Variants in LRP6 observed in about 807,000 individuals in gnomAD.
The protein encoded by LRP6 is LDL receptor related protein 6.
LRP6 carries 43 observed loss-of-function variants against 184.1 expected under a neutral mutation model. The observed-to-expected ratio is 0.23, with a 90% confidence interval of 0.18 to 0.30. The LOEUF (loss-of-function observed/expected upper bound fraction) is 0.30. Among genes scored for constraint, LRP6 ranks in the 10% least tolerant of loss-of-function variants. The pLI, the probability that LRP6 is intolerant of heterozygous loss-of-function variation, is 1.00. For synonymous variants in LRP6, 719 were observed against 684.9 expected, an observed-to-expected ratio of 1.05 and a Z score of -0.78; for missense variants, 1,571 against 2,005.3, an observed-to-expected ratio of 0.78 and a Z score of 4.14.
In LRP6 at chr12:12,141,338, C is replaced by A. The variant is rs537573322; in HGVS notation, c.3398-2804G>T. Among the ~76,000 whole-genome samples, 119 of 152,228 alleles carry A rather than the reference C, an allele frequency of 7.8e-4. 2 individuals carry two copies. The highest frequency in any genetic ancestry group is 6.4e-3 in the South Asian group (31 of 4,826). ...AAAGGAAAAGGACAGCATACAAAGA[C>A]TGAAATCACAGTCACATCAAACTTC... On this transcript the variant is annotated intron_variant, in intron 15 of 22. Coordinates refer to ENST00000261349, the MANE Select transcript of LRP6 (RefSeq NM_002336.3).
chr12:12,147,843 C>T (rs1184480364), intron 14 of LRP6, among the ~76,000 whole-genome samples: 1 of 151,782 alleles, frequency 6.6e-6, no homozygotes, highest in Non-Finnish European at 1.5e-5. Flanking sequence ...GGCATGGTGG[C>T]GTGTGCCTGT....
At chr12:12,206,607 CTT>C (rs1462018463) in intron 2 of LRP6, among the ~76,000 whole-genome samples, 62 of 149,652 alleles carry the variant, frequency 4.1e-4, no homozygotes, top group African/African-American at 1.4e-3. Flanking sequence ...CACTTTAAGA[CTT>C]TTAAAATTAA....
At chr12:12,258,742 A>G (rs1565728588) in intron 1 of LRP6, among the ~76,000 whole-genome samples, 1 of 152,252 alleles carries the variant, frequency 6.6e-6, no homozygotes, top group Non-Finnish European at 1.5e-5. Flanking sequence ...AAAACATAGT[A>G]TCTTTAAACT....
At chr12:12,159,257 TAAA>T in intron 11 of LRP6, 102 bp from the exon 12 acceptor site, 1 of 826,622 alleles carries the variant, frequency 1.2e-6, no homozygotes, top group Non-Finnish European at 2.0e-6. Flanking sequence ...CCCTAACATA[TAAA>T]ACATTACATT....
intron 2 of LRP6, among the ~76,000 whole-genome samples, chr12:12,226,225 A>C (rs1470562660): frequency 6.6e-6 from 1 of 152,178 alleles, no homozygotes; most frequent in Non-Finnish European, 1.5e-5. Context: ...GCTTACCATC[A>C]CATTACAAAA....
intron 1 of LRP6, among the ~76,000 whole-genome samples, chr12:12,248,070 T>C (rs1289797960): frequency 1.3e-5 from 2 of 152,194 alleles, no homozygotes; most frequent in East Asian, 1.9e-4. Flanking sequence ...TCTTAATTTA[T>C]ACCTCTCAAA....
intron 21 of LRP6, 71 bp from the exon 22 acceptor site, chr12:12,124,733 T>C: frequency 2.1e-6 from 2 of 934,780 alleles, no homozygotes; most frequent in Non-Finnish European, 3.3e-6. Flanking sequence ...TCAACTTTTC[T>C]TCCTTCATCT....
intron 2 of LRP6, among the ~76,000 whole-genome samples, chr12:12,206,716 T>G (rs1380520608): frequency 6.6e-6 from 1 of 151,896 alleles, no homozygotes; most frequent in Non-Finnish European, 1.5e-5. Context: ...AAGAACAGCC[T>G]GAGCAACACA....
chr12:12,146,278 T>C (rs1037285241), intron 15 of LRP6, among the ~76,000 whole-genome samples: 1 of 152,230 alleles, frequency 6.6e-6, no homozygotes, highest in Non-Finnish European at 1.5e-5. Context: ...ACTGGCAAAT[T>C]GTCCTCTAAA....
chr12:12,211,792 T>C (rs373248691), intron 2 of LRP6, among the ~76,000 whole-genome samples: 23 of 152,282 alleles, frequency 1.5e-4, no homozygotes, highest in African/African-American at 3.8e-4. Flanking sequence ...AGAAATAACA[T>C]TGGTAAACCA....
chr12:12,218,600 T>G (rs1864409312), intron 2 of LRP6, among the ~76,000 whole-genome samples: 1 of 151,836 alleles, frequency 6.6e-6, no homozygotes, highest in South Asian at 2.1e-4. Flanking sequence ...CATCAGTCAG[T>G]AAGGAAATGT....
At chr12:12,204,387 T>C (rs774994065) in intron 2 of LRP6, among the ~76,000 whole-genome samples, 1 of 149,878 alleles carries the variant, frequency 6.7e-6, no homozygotes, top group African/African-American at 2.5e-5. Context: ...ACTGATGAAG[T>C]AGGAAGAAAA....
chr12:12,186,945 G>A lies in LRP6; in HGVS notation c.822C>T (p.Phe274=). Residue 274 remains phenylalanine, a synonymous_variant, in exon 4 of 23, where the codon TTC becomes TTT. Coordinates refer to ENST00000261349, the MANE Select transcript of LRP6 (RefSeq NM_002336.3). ...TACCATTTGGCTGCCTCTGTTGGCT[G>A]AAGGCATGTATATCCATGGGAGAGA... ...DIFSPMDIHA[F]SQQRQPNATN... 1.2e-6 allele frequency: 2 copies of A among 1,614,120 alleles called. No homozygotes were observed. The highest frequency in any genetic ancestry group is 2.2e-5 in the East Asian group (1 of 44,886).
intron 3 of LRP6, among the ~76,000 whole-genome samples, chr12:12,192,097 C>A (rs1863634711): frequency 6.6e-6 from 1 of 151,894 alleles, no homozygotes; most frequent in Middle Eastern, 3.4e-3. Context: ...ATAAGTATAA[C>A]CCTGTGTTAG....
At chr12:12,164,179 C>T in intron 9 of LRP6, 94 bp downstream of exon 9, 11 of 1,095,334 alleles carry the variant, frequency 1.0e-5, no homozygotes, top group Non-Finnish European at 1.5e-5. Context: ...GCCTGTCAAA[C>T]AATGAGGGAG....
intron 12 of LRP6, among the ~76,000 whole-genome samples, chr12:12,157,395 C>G (rs528236450): frequency 6.6e-6 from 1 of 152,176 alleles, no homozygotes; most frequent in South Asian, 2.1e-4. Context: ...GACTTCCCTG[C>G]TACTGGTTCT....
At chr12:12,166,759 T>G (rs1024540715) in intron 7 of LRP6, among the ~76,000 whole-genome samples, 1 of 152,222 alleles carries the variant, frequency 6.6e-6, no homozygotes, top group African/African-American at 2.4e-5. Context: ...TTGTTTATTT[T>G]GATAAATAAA....
chr12:12,159,790 T>C lies in LRP6; in HGVS notation c.2454A>G (p.Ser818=). The C allele has an allele frequency of 1.2e-6, 2 of 1,614,128 alleles. No homozygotes were observed. Among genetic ancestry groups the C allele is most frequent in the Non-Finnish European group, 1.7e-6 (2 of 1,179,974 alleles). Residue 818 remains serine (S), a synonymous_variant, in exon 11 of 23, where the codon TCA becomes TCG. Coordinates refer to ENST00000261349, the MANE Select transcript of LRP6 (RefSeq NM_002336.3). ...AGTAGTAAAGCTTACCAAGCATATT[T>C]GAAGATTCTATTAAGTTGGTGTCCA... The part of the protein sequence containing the change: ...TDLDTNLIES[S]NMLGLNREVI...
rs184811541 is a variant in LRP6, at chr12:12,263,931, A to G, written c.55+2750T>C. On this transcript the variant is annotated intron_variant, in intron 1 of 22. Coordinates refer to ENST00000261349, the MANE Select transcript of LRP6 (RefSeq NM_002336.3). ...TTTGAGAGGATCACTTGAGGCCAGG[A>G]GTTGGAGACCAGCCTGGGCAACATA... Among the ~76,000 whole-genome samples, 498 of 152,118 alleles carry G rather than the reference A, an allele frequency of 3.3e-3. 3 individuals carry two copies. The highest frequency in any genetic ancestry group is 6.3e-3 in the Admixed American group (97 of 15,282).
Sources: allele counts gnomAD v4.1 joint callset (sites outside exome capture counted in the v4.1 genomes callset), GRCh38; gene constraint gnomAD v4.1.1; transcripts MANE v1.5; gene names NCBI Gene and HGNC (gene_info 2026-07-23, HGNC 2026-07-21).